Variants in PTPRO observed in about 807,000 individuals in gnomAD.
PTPRO encodes receptor-type tyrosine-protein phosphatase O.
PTPRO carries 62 observed loss-of-function variants against 145.2 expected under a neutral mutation model. The observed-to-expected ratio is 0.43, with a 90% CI of 0.35 to 0.53. The LOEUF is 0.53. Ranked by LOEUF, PTPRO falls within the 20% of genes least tolerant of loss-of-function variation. The pLI, the probability that PTPRO is intolerant of heterozygous loss-of-function variation, is 0.01. For synonymous variants in PTPRO, 565 were observed against 514.7 expected (o/e 1.10, Z -1.32); for missense variants, 1,345 against 1,482.7 (o/e 0.91, Z 1.53).
In PTPRO at chr12:15,497,387, G is replaced by A. The variant is rs1349877783; in HGVS notation, c.492G>A (p.Arg164=). ...NISYWEGKDF[R]TMLYKDFFKG... Reference sequence around the variant, plus strand: ...GCTACTGGGAAGGTAAAGACTTCCGGACAATGCTATATAAAGGTAAGCAGC... The same window carrying A: ...GCTACTGGGAAGGTAAAGACTTCCGAACAATGCTATATAAAGGTAAGCAGC... The change falls in exon 3 of 27, where the codon CGG becomes CGA. Residue 164 remains arginine (R), a synonymous_variant. Transcript: ENST00000281171. The A allele has an allele frequency of 3.1e-6, 5 of 1,613,320 alleles. No homozygotes were observed.
chr12:15,430,826 G>A (rs1186546213), intron 1 of PTPRO, among the ~76,000 whole-genome samples: 1 of 151,960 alleles, frequency 6.6e-6, no homozygotes, highest in Non-Finnish European at 1.5e-5. Flanking sequence ...ATGTTGTACG[G>A]TATAAATATA....
At chr12:15,432,496 T>A (rs1267545237) in intron 1 of PTPRO, among the ~76,000 whole-genome samples, 2 of 152,246 alleles carry the variant, frequency 1.3e-5, no homozygotes, top group South Asian at 2.1e-4. Flanking sequence ...TAGAACAATT[T>A]ATATTCCTTT....
intron 19 of PTPRO, among the ~76,000 whole-genome samples, chr12:15,574,923 C>T (rs2135627054): frequency 6.6e-6 from 1 of 152,286 alleles, no homozygotes; most frequent in African/African-American, 2.4e-5. Flanking sequence ...GTGCTCTCCT[C>T]AGAAGATGAT....
At chr12:15,520,890 T>G (rs1312343468) in intron 10 of PTPRO, among the ~76,000 whole-genome samples, 1 of 152,212 alleles carries the variant, frequency 6.6e-6, no homozygotes, top group African/African-American at 2.4e-5. Context: ...TTATCTGTTA[T>G]TATTTATTAC....
intron 1 of PTPRO, among the ~76,000 whole-genome samples, chr12:15,388,588 C>A (rs983891625): frequency 6.6e-6 from 1 of 152,164 alleles, no homozygotes; most frequent in Admixed American, 6.5e-5. Flanking sequence ...CATTAATATT[C>A]AACATTAAGT....
intron 1 of PTPRO, among the ~76,000 whole-genome samples, chr12:15,357,702 C>G (rs1286265378): frequency 2.0e-5 from 3 of 151,402 alleles, no homozygotes; most frequent in Admixed American, 6.6e-5. Flanking sequence ...TCTCACACCA[C>G]TTAGAATGGC....
At chr12:15,466,392 C>T (rs549696693) in intron 1 of PTPRO, among the ~76,000 whole-genome samples, 77 of 152,188 alleles carry the variant, frequency 5.1e-4, no homozygotes, top group African/African-American at 1.8e-3. Context: ...AAAAAATGCA[C>T]ATTGAAAAAT....
Position 15,432,423 on chromosome 12 carries a change from T to C in PTPRO, c.76-51551T>C, listed in dbSNP as rs546663413. ...TACTGCTGATGGGCATTTAGGTTGA[T>C]TGTATGTCTTTGCTACTGTCAATAG... On this transcript the variant is annotated intron_variant, in intron 1 of 26. Coordinates refer to ENST00000281171, the MANE Select transcript of PTPRO (RefSeq NM_030667.3). 7.9e-5 allele frequency among the ~76,000 whole-genome samples: 12 copies of C among 152,344 alleles called. No homozygotes were observed. In the East Asian group the frequency reaches 1.7e-3, roughly 22 times the overall value.
At chr12:15,583,980 G>A (rs1479529114) in intron 23 of PTPRO, among the ~76,000 whole-genome samples, 6 of 152,174 alleles carry the variant, frequency 3.9e-5, no homozygotes, top group Admixed American at 3.9e-4. Flanking sequence ...TCCTTGTTAA[G>A]CACGTTTTTA....
chr12:15,438,680 G>A (rs1346698768), intron 1 of PTPRO, among the ~76,000 whole-genome samples: 2 of 151,898 alleles, frequency 1.3e-5, no homozygotes, highest in African/African-American at 4.8e-5. Flanking sequence ...TTTTAAAAAT[G>A]AGCAGTCCTC....
At chr12:15,512,809 C>T (rs1942469800) in intron 7 of PTPRO, among the ~76,000 whole-genome samples, 1 of 152,144 alleles carries the variant, frequency 6.6e-6, no homozygotes, top group East Asian at 1.9e-4. Context: ...GCCTGACCAA[C>T]ATAATGAAAC....
At chr12:15,559,202 T>C (rs1943713689) in intron 16 of PTPRO, among the ~76,000 whole-genome samples, 2 of 152,310 alleles carry the variant, frequency 1.3e-5, no homozygotes, top group East Asian at 1.9e-4. Context: ...AGACCAGTCA[T>C]GGGAGAGCTG....
intron 2 of PTPRO, among the ~76,000 whole-genome samples, chr12:15,496,184 C>T (rs1453572686): frequency 7.8e-6 from 1 of 127,764 alleles, no homozygotes; most frequent in Non-Finnish European, 1.6e-5. Flanking sequence ...CTCTTGTTGC[C>T]CAGGCTGGGG....
chr12:15,436,192 C>A (rs1315935278), intron 1 of PTPRO, among the ~76,000 whole-genome samples: 1 of 152,128 alleles, frequency 6.6e-6, no homozygotes, highest in Non-Finnish European at 1.5e-5. Flanking sequence ...CTAAAACTGA[C>A]ACCCTAACAT....
Position 15,447,133 on chromosome 12 carries a change from C to T in PTPRO, c.76-36841C>T, listed in dbSNP as rs1001882215. Among the ~76,000 whole-genome samples, 4 of 152,188 alleles carry T rather than the reference C, an allele frequency of 2.6e-5. No homozygotes were observed. The East Asian group carries it at 7.7e-4, about 29-fold the overall frequency. On this transcript the variant is annotated intron_variant, in intron 1 of 26. Coordinates refer to ENST00000281171, the MANE Select transcript of PTPRO (RefSeq NM_030667.3). Reference sequence around the variant, plus strand: ...AAAGAATAAGGTTTTAGAGAACCAGCCCTATGGATTGATCATTGGTTCTGA... The same window carrying T: ...AAAGAATAAGGTTTTAGAGAACCAGTCCTATGGATTGATCATTGGTTCTGA...
At chr12:15,403,858 A>T (rs535314353) in intron 1 of PTPRO, among the ~76,000 whole-genome samples, 42 of 152,204 alleles carry the variant, frequency 2.8e-4, no homozygotes, top group Non-Finnish European at 4.1e-4. Context: ...TTTCATGAGT[A>T]CAGAGATCCC....
chr12:15,422,668 C>T (rs1399340803), intron 1 of PTPRO, among the ~76,000 whole-genome samples: 1 of 152,158 alleles, frequency 6.6e-6, no homozygotes, highest in Non-Finnish European at 1.5e-5. Context: ...CATGTAGAAA[C>T]GTGAGCCCAG....
chr12:15,459,526 G>A (rs1187861393), intron 1 of PTPRO, among the ~76,000 whole-genome samples: 1 of 152,220 alleles, frequency 6.6e-6, no homozygotes, highest in African/African-American at 2.4e-5. Flanking sequence ...ATGTCTCAAA[G>A]TTTCCTATCA....
chr12:15,449,494 A>G (rs1191031223), intron 1 of PTPRO, among the ~76,000 whole-genome samples: 1 of 152,242 alleles, frequency 6.6e-6, no homozygotes, highest in Non-Finnish European at 1.5e-5. Flanking sequence ...TTGTGGTTAT[A>G]TAGGATGAAC....
Sources: gnomAD v4.1 joint callset for allele counts (sites outside exome capture counted in the v4.1 genomes callset) on GRCh38, gnomAD v4.1.1 for gene constraint, MANE v1.5 for transcripts, NCBI Gene and HGNC (gene_info 2026-07-23, HGNC 2026-07-21) for gene names.